The following PIK3C2A variants were observed in gnomAD, a reference collection of about 807,000 sequenced individuals.
PIK3C2A encodes phosphatidylinositol 4-phosphate 3-kinase C2 domain-containing subunit alpha.
In PIK3C2A, 97 loss-of-function variants were observed where a neutral mutation model predicts 204.5. The observed-to-expected ratio is 0.47, with a 90% CI of 0.40 to 0.56. PIK3C2A has a LOEUF of 0.56. Among genes scored for constraint, PIK3C2A ranks in the 20% least tolerant of loss-of-function variants. PIK3C2A has a pLI of 0.00. For missense variants in PIK3C2A, 1,735 were observed against 1,969.2 expected (o/e 0.88, Z 2.25); for synonymous variants, 653 against 664.4 (o/e 0.98, Z 0.26).
At chr11:17,162,025 A>C (rs902580104) in intron 2 of PIK3C2A, among the ~76,000 whole-genome samples, 2 of 152,308 alleles carry the variant, frequency 1.3e-5, no homozygotes, top group African/African-American at 2.4e-5. Flanking sequence ...AAGAAGGCTT[A>C]GAACTTTTTC....
At position 17,199,892 on chromosome 11, in the gene PIK3C2A, A is replaced by G. The variant is rs1391554351; in HGVS notation, c.-66+7956T>C. On this transcript the variant is annotated intron_variant, in intron 1 of 32. Transcript: ENST00000691414. ...AGCTGAGATCGTGCCACTACATTCC[A>G]GCCTCCATCTCAAAAAAAAAAAAAA... Among the ~76,000 whole-genome samples, 5 of 137,204 alleles carry G rather than the reference A, an allele frequency of 3.6e-5. No individual in the cohort carries two copies. The East Asian group carries it at 1.1e-3, about 31-fold the overall frequency. The allele number at this position is 137,204 out of a possible 152,430, so 90.0% of individuals were successfully genotyped here. A position where few individuals can be genotyped will look rare whatever the true frequency, so the allele number is the denominator to read the frequency against.
At chr11:17,185,600 T>G (rs1178501054) in intron 1 of PIK3C2A, among the ~76,000 whole-genome samples, 1 of 152,210 alleles carries the variant, frequency 6.6e-6, no homozygotes, top group Non-Finnish European at 1.5e-5. Context: ...ACTCTCATCA[T>G]TGTATGCATA....
At chr11:17,197,889 C>A (rs1040471160) in intron 1 of PIK3C2A, among the ~76,000 whole-genome samples, 3 of 152,102 alleles carry the variant, frequency 2.0e-5, no homozygotes, top group African/African-American at 7.2e-5. Flanking sequence ...TGAGTTGCAA[C>A]TGAGAAACCC....
At chr11:17,142,758 C>A (rs942599008) in intron 8 of PIK3C2A, among the ~76,000 whole-genome samples, 18 of 152,090 alleles carry the variant, frequency 1.2e-4, no homozygotes, top group African/African-American at 4.1e-4. Context: ...AGATTAGGAA[C>A]TGACTACTGA....
At chr11:17,134,367 A>AT (rs398055029) in intron 11 of PIK3C2A, among the ~76,000 whole-genome samples, 5,352 of 140,332 alleles carry the variant, frequency 0.038, 117 homozygotes, top group South Asian at 0.069. Flanking sequence ...ACCACTGGCT[A>AT]TTTTTTTTTT....
Position 17,169,075 on chromosome 11 carries a change from T to G in PIK3C2A, c.667A>C (p.Met223Leu). Residue 223 changes from methionine (M) to leucine (L), a missense_variant, in exon 2 of 33, where the codon ATG becomes CTG. Coordinates refer to ENST00000691414, the MANE Select transcript of PIK3C2A (RefSeq NM_002645.4). ...GCTATTTTGTCAAATAGTTTTGCCATGTCAGTACTGACTACTGGACGATAG... is the reference window on the plus strand; with the variant it reads ...GCTATTTTGTCAAATAGTTTTGCCAGGTCAGTACTGACTACTGGACGATAG... ...PIYRPVVSTD[M>L]AKLFDKIAST... 6.2e-7 allele frequency: 1 copy of G among 1,614,226 alleles called. No individual in the cohort carries two copies. The highest frequency in any genetic ancestry group is 1.1e-5 in the South Asian group (1 of 91,090).
chr11:17,201,533 AAAAAAAAAAAGAAAAAAG>A (rs1194426703), intron 1 of PIK3C2A, among the ~76,000 whole-genome samples: 12 of 75,358 alleles, frequency 1.6e-4, no homozygotes, highest in Non-Finnish European at 2.5e-4. Context: ...CTCAAAAAAA[AAAAAAAAAAAGAAAAAAG>A]AAAAAAAAAA....
intron 1 of PIK3C2A, among the ~76,000 whole-genome samples, chr11:17,196,039 G>A (rs1259005472): frequency 6.7e-6 from 1 of 150,020 alleles, no homozygotes; most frequent in African/African-American, 2.5e-5. Context: ...ACTTCATCTC[G>A]AAAGAAAAAA....
rs1848318125 is a variant in PIK3C2A at position 17,091,795 on chromosome 11, G to A, written c.4643-139C>T. Reference sequence around the variant, plus strand: ...GGAAAAAGGAGTAAACAACCTGATAGGTCATTGATTTATACTTCTTTAGTA... The same window carrying A: ...GGAAAAAGGAGTAAACAACCTGATAAGTCATTGATTTATACTTCTTTAGTA... On this transcript the variant is annotated intron_variant, in intron 30 of 32. Transcript: ENST00000691414. 2.6e-5 allele frequency: 17 copies of A among 664,626 alleles called. No homozygotes were observed. In the South Asian group the frequency reaches 2.8e-4, roughly 11 times the overall value. The allele number at this position is 664,626 out of a possible 1,614,324, so 41.2% of individuals were successfully genotyped here.
At chr11:17,167,154 T>C (rs558423910) in intron 2 of PIK3C2A, among the ~76,000 whole-genome samples, 1 of 152,198 alleles carries the variant, frequency 6.6e-6, no homozygotes, top group East Asian at 1.9e-4. Flanking sequence ...TGTAATTGTG[T>C]TAGAGACAGG....
At chr11:17,140,273 CA>C (rs1850017491) in intron 8 of PIK3C2A, among the ~76,000 whole-genome samples, 2 of 151,896 alleles carry the variant, frequency 1.3e-5, no homozygotes, top group Admixed American at 1.3e-4. Context: ...AAATAAACAA[CA>C]ATAAAAAAAA....
intron 13 of PIK3C2A, among the ~76,000 whole-genome samples, chr11:17,127,130 A>G (rs1411760488): frequency 6.6e-6 from 1 of 152,152 alleles, no homozygotes; most frequent in Admixed American, 6.6e-5. Flanking sequence ...AAGGTTCCTA[A>G]TACACACCAT....
At chr11:17,204,068 C>G (rs1007234002) in intron 1 of PIK3C2A, among the ~76,000 whole-genome samples, 24 of 151,102 alleles carry the variant, frequency 1.6e-4, no homozygotes, top group African/African-American at 5.6e-4. Flanking sequence ...AGCGAGACTC[C>G]GTCTCAAAGA....
intron 1 of PIK3C2A, among the ~76,000 whole-genome samples, chr11:17,184,386 T>G (rs1227999283): frequency 3.3e-5 from 5 of 152,140 alleles, no homozygotes; most frequent in Non-Finnish European, 5.9e-5. Flanking sequence ...GCTGTATTGA[T>G]TATCCTGACC....
At chr11:17,145,805 G>A (rs779726870) in intron 7 of PIK3C2A, 58 bp downstream of exon 7, 11 of 1,549,464 alleles carry the variant, frequency 7.1e-6, no homozygotes, top group African/African-American at 1.4e-5. Flanking sequence ...CAAAATAAGT[G>A]TATTTGCATC....
In PIK3C2A at chr11:17,132,028, A is replaced by G; in HGVS notation, c.2119T>C (p.Tyr707His). ...SSNWVSNYEKYYLICSLSHNG... is the reference protein window; with the variant it reads ...SSNWVSNYEKHYLICSLSHNG... ...TGAGACAGTGAACATATCAAGTAGT[A>G]TTTTTCATAACTGAGAAAAGAAAGT... The change falls in exon 12 of 33, where the codon TAC (tyrosine) becomes CAC (histidine). Residue 707 changes from tyrosine (Y) to histidine (H), a missense_variant. Around this residue, in one of 6 missense-constraint regions of PIK3C2A, gnomAD observed 567 missense variants for 576.0 expected, o/e 0.98. Transcript: ENST00000691414. 6.6e-7 allele frequency: 1 copy of G among 1,514,770 alleles called. No homozygotes were observed. The highest frequency in any genetic ancestry group is 2.1e-5 in the Admixed American group (1 of 48,302). 93.8% of individuals were successfully genotyped at this position (1,514,770 alleles called of 1,614,324 possible).
chr11:17,184,593 TTTA>T (rs1381321379), intron 1 of PIK3C2A, among the ~76,000 whole-genome samples: 2 of 152,092 alleles, frequency 1.3e-5, no homozygotes, highest in East Asian at 3.9e-4. Context: ...AATTAAAAAG[TTTA>T]TAAAGTAAAA....
rs1480840195 is a variant in PIK3C2A, at chr11:17,148,715, A to T, written c.1400T>A (p.Val467Asp). 6.2e-7 allele frequency: 1 copy of T among 1,613,322 alleles called. No homozygotes were observed. Among genetic ancestry groups the T allele is most frequent in the Non-Finnish European group, 8.5e-7 (1 of 1,179,532 alleles). Residue 467 changes from valine to aspartate, a missense_variant, in exon 5 of 33, where the codon GTT (valine) becomes GAT (aspartate). Physicochemically the swap from Val to Asp is radical, Grantham distance 152. Coordinates refer to ENST00000691414, the MANE Select transcript of PIK3C2A (RefSeq NM_002645.4). ...WVHDDLNQVD[V>D]GSYVLKVCGQ... Reference sequence around the variant, plus strand: ...ACAAACTTTTAGAACATAGCTGCCAACATCTACTTGATTCAAGTCATCATG... The same window carrying T: ...ACAAACTTTTAGAACATAGCTGCCATCATCTACTTGATTCAAGTCATCATG...
intron 12 of PIK3C2A, among the ~76,000 whole-genome samples, chr11:17,130,695 T>C (rs1306602491): frequency 1.3e-5 from 2 of 150,126 alleles, no homozygotes; most frequent in Non-Finnish European, 3.0e-5. Context: ...TAATCTCAGC[T>C]ACTCAGGAGG....
Sources: allele counts gnomAD v4.1 joint callset (sites outside exome capture counted in the v4.1 genomes callset), GRCh38; gene constraint gnomAD v4.1.1; regional missense constraint gnomAD v4.1.1; transcripts MANE v1.5; gene names NCBI Gene and HGNC (gene_info 2026-07-23, HGNC 2026-07-21).